Variants in DENND4C observed in about 807,000 individuals in gnomAD.
DENND4C encodes the protein DENN domain containing 4C, also known as DENN domain-containing protein 4C.
A neutral mutation model predicts 203.0 loss-of-function variants in DENND4C; 108 were observed. That is an observed-to-expected ratio of 0.53 (90% CI 0.46 to 0.62). The LOEUF (loss-of-function observed/expected upper bound fraction) is 0.62, where lower values mean the gene tolerates loss of function less well. Ranked by LOEUF, DENND4C falls within the 20% of genes least tolerant of loss-of-function variation. The probability of loss-of-function intolerance (pLI) is 0.00; values close to 1 mark genes in which losing one functional copy is unlikely to be tolerated. For synonymous variants in DENND4C, 871 were observed against 792.4 expected (o/e 1.10, Z -1.67); for missense variants, 2,481 against 2,301.2 (o/e 1.08, Z -1.60).
intron 17 of DENND4C, among the ~76,000 whole-genome samples, chr9:19,333,656 G>T (rs369843536): frequency 2.3e-4 from 35 of 152,180 alleles, no homozygotes; most frequent in African/African-American, 8.0e-4. Flanking sequence ...TAAGCACTCA[G>T]TGAATGATAT....
chr9:19,293,296 G>A (rs572635159), intron 5 of DENND4C, among the ~76,000 whole-genome samples: 1 of 152,244 alleles, frequency 6.6e-6, no homozygotes, highest in Admixed American at 6.5e-5. Flanking sequence ...TAAAATTTAG[G>A]TATTTGTCAT....
intron 1 of DENND4C, among the ~76,000 whole-genome samples, chr9:19,263,774 C>T (rs1284221959): frequency 6.6e-6 from 1 of 151,996 alleles, no homozygotes; most frequent in Non-Finnish European, 1.5e-5. Context: ...CTTGCCTCAG[C>T]CTCCCGAGTA....
chr9:19,296,671 G>C (rs1366356303), intron 6 of DENND4C, among the ~76,000 whole-genome samples: 2 of 152,202 alleles, frequency 1.3e-5, no homozygotes, highest in Non-Finnish European at 2.9e-5. Flanking sequence ...TTCTTCGCCT[G>C]AATCATTGAC....
chr9:19,316,071 G>T (rs1215960505), intron 10 of DENND4C, among the ~76,000 whole-genome samples: 1 of 152,134 alleles, frequency 6.6e-6, no homozygotes, highest in Non-Finnish European at 1.5e-5. Context: ...CAGCATTTTT[G>T]AAGCCTACCA....
intron 1 of DENND4C, among the ~76,000 whole-genome samples, chr9:19,239,113 A>G (rs1823036902): frequency 6.6e-6 from 1 of 151,734 alleles, no homozygotes; most frequent in Non-Finnish European, 1.5e-5. Flanking sequence ...TGATTTCTGC[A>G]TTTTATGTTT....
Position 19,346,759 on chromosome 9 carries a change from A to G in DENND4C, c.3990A>G (p.Leu1330=), listed in dbSNP as rs1286559915. The G allele has an allele frequency of 6.2e-7, 1 of 1,614,070 alleles. No individual in the cohort carries two copies. Among genetic ancestry groups the G allele is most frequent in the African/African-American group, 1.3e-5 (1 of 74,924 alleles). The change falls in exon 23 of 33, where the codon TTA becomes TTG. Residue 1330 remains leucine (L), a synonymous_variant. Transcript: ENST00000434457. ...HALERRSSLP[L]DHGSPAQENP... is the part of the protein sequence containing the mutation. ...TAGAGAGGAGATCAAGCCTACCTTTAGATCATGGTTCACCAGCACAGGAAA... is the reference window on the plus strand; with the variant it reads ...TAGAGAGGAGATCAAGCCTACCTTTGGATCATGGTTCACCAGCACAGGAAA...
Position 19,259,757 on chromosome 9 carries a change from G to A in DENND4C, c.-17-16401G>A, listed in dbSNP as rs192850225. Among the ~76,000 whole-genome samples, 484 of 152,032 alleles carry A rather than the reference G, an allele frequency of 3.2e-3. 3 individuals carry two copies. Among genetic ancestry groups the A allele is most frequent in the African/African-American group, 0.011 (451 of 41,480 alleles). ...TGACCTCAGGTGATCCGCCCGCCTC[G>A]GCCTCCCACAATGCTGGGATTACAG... On this transcript the variant is annotated intron_variant, in intron 1 of 32. Transcript: ENST00000434457.
chr9:19,282,728 T>TTTTTC (rs1834359847), intron 2 of DENND4C, among the ~76,000 whole-genome samples: 1 of 138,660 alleles, frequency 7.2e-6, no homozygotes, highest in African/African-American at 2.7e-5. Context: ...TTTTTTTTTT[T>TTTTTC]TTTTTTGAGA....
intron 1 of DENND4C, among the ~76,000 whole-genome samples, chr9:19,235,024 G>GA (rs1418479759): frequency 5.9e-5 from 9 of 151,592 alleles, no homozygotes; most frequent in Non-Finnish European, 1.2e-4. Flanking sequence ...TGGTGCAATG[G>GA]GGTGATCTCA....
Position 19,346,259 on chromosome 9 carries a change from T to C in DENND4C, c.3490T>C (p.Ser1164Pro). The C allele has an allele frequency of 6.2e-7, 1 of 1,614,156 alleles. No individual in the cohort carries two copies. Among genetic ancestry groups the C allele is most frequent in the Non-Finnish European group, 8.5e-7 (1 of 1,180,016 alleles). Residue 1164 changes from serine (S) to proline (P), a missense_variant, in exon 23 of 33, where the codon TCT (serine) becomes CCT (proline). Around this residue, in one of 3 missense-constraint regions of DENND4C, gnomAD observed 2,289 missense variants for 2,113.3 expected, o/e 1.08. Coordinates refer to ENST00000434457, the MANE Select transcript of DENND4C (RefSeq NM_001330640.2). ...CHLPDSRTCM[S>P]ESTWNPEHRS... ...CCTACCTGATAGTAGGACTTGTATG[T>C]CTGAAAGCACTTGGAATCCTGAGCA...
chr9:19,352,482 G>C lies in DENND4C; in HGVS notation c.4606-8G>C, dbSNP rs371558310. The C allele has an allele frequency of 2.3e-5, 36 of 1,556,710 alleles. No individual in the cohort carries two copies. The highest frequency in any genetic ancestry group is 6.8e-5 in the East Asian group (3 of 44,020). On this transcript the variant is annotated splice_polypyrimidine_tract_variant and splice_region_variant and intron_variant, in intron 25 of 32. Transcript: ENST00000434457. ...ACGTTCTCAGTGTCTGCATTTTTCT[G>C]TTTTTAGGTTTTGATGTCCAGTTGT...
rs775651037 is a variant in DENND4C at position 19,346,434 on chromosome 9, C to T, written c.3665C>T (p.Thr1222Ile). Residue 1222 changes from threonine (T) to isoleucine (I), a missense_variant, in exon 23 of 33, where the codon ACA becomes ATA. Transcript: ENST00000434457. ...AGTAATCAGTCCAGAGACTTGAAAA[C>T]AGTATCCAAAGATCTGAGGAATAAG... ...SNSNQSRDLK[T>I]VSKDLRNKRS... 2 of 1,613,992 alleles carry T rather than the reference C, an allele frequency of 1.2e-6. No homozygotes were observed. Among genetic ancestry groups the T allele is most frequent in the Non-Finnish European group, 1.7e-6 (2 of 1,180,018 alleles).
chr9:19,293,054 T>C (rs1298695409), intron 5 of DENND4C, among the ~76,000 whole-genome samples: 1 of 152,188 alleles, frequency 6.6e-6, no homozygotes, highest in Non-Finnish European at 1.5e-5. Context: ...TGAAGGTCAA[T>C]ATTATATTAA....
At chr9:19,330,294 G>A (rs983293821) in intron 16 of DENND4C, among the ~76,000 whole-genome samples, 15 of 147,692 alleles carry the variant, frequency 1.0e-4, no homozygotes, top group Non-Finnish European at 1.9e-4. Context: ...GAAGTGTCAT[G>A]GAGATCGAGC....
intron 1 of DENND4C, among the ~76,000 whole-genome samples, chr9:19,252,589 A>G (rs1411139093): frequency 6.6e-6 from 1 of 152,156 alleles, no homozygotes; most frequent in Non-Finnish European, 1.5e-5. Flanking sequence ...CTCTTAAAAT[A>G]AAATAATTAT....
In DENND4C at chr9:19,372,222, C is replaced by T. The variant is rs765042685; in HGVS notation, c.*49C>T. The T allele has an allele frequency of 7.7e-6, 12 of 1,560,026 alleles. No individual in the cohort carries two copies. In the African/African-American group the frequency reaches 1.4e-4, roughly 18 times the overall value. On this transcript the variant is annotated 3_prime_UTR_variant, in exon 33 of 33. Transcript: ENST00000434457. The stretch of plus-strand genomic sequence containing the variant: ...CACACAAGGCTTGGGGATTAGATTT[C>T]ATCTGGAAACATTCAAGTTTTTTTT...
intron 10 of DENND4C, among the ~76,000 whole-genome samples, chr9:19,310,262 A>G (rs1395117502): frequency 6.6e-5 from 10 of 152,320 alleles, no homozygotes; most frequent in African/African-American, 1.9e-4. Flanking sequence ...TCCAGCTAGG[A>G]TCGCTAGTGT....
rs928612654 is a variant in DENND4C, at chr9:19,337,773, A to C, written c.2881+941A>C. ...TTGTTTTGAGTGGTAAACAGTTTTC[A>C]TTTTCTTGCCTTTTCTCCTTCAGAT... On this transcript the variant is annotated intron_variant, in intron 20 of 32. Coordinates refer to ENST00000434457, the MANE Select transcript of DENND4C (RefSeq NM_001330640.2). The C allele has an allele frequency of 5.0e-6, 3 of 597,658 alleles. No individual in the cohort carries two copies. The African/African-American group carries it at 5.8e-5, about 12-fold the overall frequency. The allele number at this position is 597,658 out of a possible 1,614,324, so 37.0% of individuals were successfully genotyped here.
chr9:19,353,501 G>A (rs1385994881), intron 26 of DENND4C, among the ~76,000 whole-genome samples: 3 of 152,038 alleles, frequency 2.0e-5, no homozygotes, highest in Middle Eastern at 3.4e-3. Flanking sequence ...GGCGGCGTGC[G>A]CCTGTAGTCC....
Sources: allele counts gnomAD v4.1 joint callset (sites outside exome capture counted in the v4.1 genomes callset), GRCh38; gene constraint gnomAD v4.1.1; regional missense constraint gnomAD v4.1.1; transcripts MANE v1.5; gene names NCBI Gene and HGNC (gene_info 2026-07-23, HGNC 2026-07-21).